TMEM220: variants seen among roughly 807,000 people sequenced by gnomAD.
TMEM220 encodes the protein transmembrane protein 220.
In TMEM220, 21 loss-of-function variants were observed where a neutral mutation model predicts 21.7. The observed-to-expected ratio is 0.97, with a 90% CI of 0.69 to 1.39. The LOEUF (loss-of-function observed/expected upper bound fraction) is 1.39. Among genes scored for constraint, TMEM220 ranks in the 40% most tolerant of loss-of-function variants. The probability of loss-of-function intolerance (pLI) is 0.00; values close to 1 mark genes in which losing one functional copy is unlikely to be tolerated. For synonymous variants in TMEM220, 80 were observed against 73.6 expected (o/e 1.09, Z -0.45); for missense variants, 191 against 201.9 (o/e 0.95, Z 0.33).
chr17:10,721,169 C>T (rs2074984083), intron 5 of TMEM220, among the ~76,000 whole-genome samples: 1 of 152,046 alleles, frequency 6.6e-6, no homozygotes, highest in African/African-American at 2.4e-5. Flanking sequence ...TCTTGTCATA[C>T]CAGAAAGCAA....
chr17:10,723,496 A>G (rs1567587000), intron 4 of TMEM220, among the ~76,000 whole-genome samples, 167 bp from the exon 5 acceptor site: 1 of 152,160 alleles, frequency 6.6e-6, no homozygotes, highest in African/African-American at 2.4e-5. Flanking sequence ...TGATTCATAA[A>G]TTACTTTTTT....
intron 2 of TMEM220, 41 bp from the exon 3 acceptor site, chr17:10,726,305 A>G (rs2075048429): frequency 6.9e-7 from 1 of 1,456,222 alleles, no homozygotes; most frequent in East Asian, 2.3e-5. Flanking sequence ...GTTAAGATGT[A>G]TGCCCAATAT....
intron 5 of TMEM220, among the ~76,000 whole-genome samples, chr17:10,718,778 G>A (rs2074953714): frequency 1.3e-5 from 2 of 152,120 alleles, no homozygotes; most frequent in Non-Finnish European, 2.9e-5. Flanking sequence ...TAGCTTAACT[G>A]CACCGTGGTC....
rs1454609489 is a variant in TMEM220, at chr17:10,713,828, T to C, written c.*1625A>G. 1 of 152,166 alleles carries C rather than the reference T, an allele frequency of 6.6e-6. No individual in the cohort carries two copies. Among genetic ancestry groups the C allele is most frequent in the African/African-American group, 2.4e-5 (1 of 41,426 alleles). The allele number at this position is 152,166 out of a possible 1,614,324, so 9.4% of individuals were successfully genotyped here. ...ACATACCTCCTTTAACAAATATTTA[T>C]AGAATATTTACTATAGTAATAAAGA... On this transcript the variant is annotated 3_prime_UTR_variant, in exon 6 of 6. Transcript: ENST00000341871.
At chr17:10,725,166 C>T (rs771490892) in intron 3 of TMEM220, 32 bp from the exon 4 acceptor site, 91 of 1,609,496 alleles carry the variant, frequency 5.7e-5, no homozygotes, top group Non-Finnish European at 7.2e-5. Context: ...TTGTTAACCA[C>T]GGAATCACAG....
At position 10,715,347 on chromosome 17, in the gene TMEM220, A is replaced by AG. The variant is rs2074899487; in HGVS notation, c.*105_*106insC. On this transcript the variant is annotated 3_prime_UTR_variant, in exon 6 of 6. Coordinates refer to ENST00000341871, the MANE Select transcript of TMEM220 (RefSeq NM_001004313.3). The stretch of plus-strand genomic sequence containing the variant: ...CTTAAAAAGTTATTTGGAGTTTTAA[A>AG]ACTATTAGCCCAAATTACCTGAAAT... 6.4e-6 allele frequency: 5 copies of AG among 777,110 alleles called. No homozygotes were observed. The highest frequency in any genetic ancestry group is 9.3e-6 in the Non-Finnish European group (5 of 538,776). 48.1% of individuals were successfully genotyped at this position (777,110 alleles called of 1,614,324 possible).
At chr17:10,716,539 A>G (rs2074923830) in intron 5 of TMEM220, 2 of 610,034 alleles carry the variant, frequency 3.3e-6, no homozygotes, top group Admixed American at 1.9e-5. Flanking sequence ...CTGAGACTGA[A>G]CTTCTAAAAG....
intron 3 of TMEM220, 121 bp from the exon 4 acceptor site, chr17:10,725,255 C>T (rs1363582668): frequency 7.4e-7 from 1 of 1,351,756 alleles, no homozygotes; most frequent in Non-Finnish European, 1.0e-6. Flanking sequence ...CTCCCTCAGC[C>T]CCATCGCCCC....
Position 10,723,300 on chromosome 17 carries a change from GC to G in TMEM220, c.316del (p.Ala106HisfsTer25). On this transcript the variant is annotated frameshift_variant, in exon 5 of 6. Coordinates refer to ENST00000341871, the MANE Select transcript of TMEM220 (RefSeq NM_001004313.3). LOFTEE classifies it high-confidence loss of function. ...GGAACTGTGGCACAGGATAATCCAT[GC>G]TGTAATAATCACCAGACCAGACAGC... is the stretch of plus-strand genomic sequence containing the variant. ...RELSGLVIIT[A>X]WIILCHSSSK... is the part of the protein sequence containing the mutation. The G allele has an allele frequency of 1.2e-6, 2 of 1,614,074 alleles. No homozygotes were observed. Among genetic ancestry groups the G allele is most frequent in the Non-Finnish European group, 1.7e-6 (2 of 1,179,986 alleles).
At chr17:10,716,028 T>C in intron 5 of TMEM220, 1 of 525,330 alleles carries the variant, frequency 1.9e-6, no homozygotes, top group Non-Finnish European at 3.4e-6. Flanking sequence ...ATAATGGTAA[T>C]TAAAAACTAC....
intron 2 of TMEM220, among the ~76,000 whole-genome samples, chr17:10,728,220 A>C (rs2075071599): frequency 6.6e-6 from 1 of 151,214 alleles, no homozygotes; most frequent in African/African-American, 2.4e-5. Flanking sequence ...CCCTCCTCCA[A>C]ATGGTTCAAA....
chr17:10,729,933 C>CT lies in TMEM220; in HGVS notation c.-83dup, dbSNP rs1463825543. On this transcript the variant is annotated 5_prime_UTR_variant, in exon 1 of 6. Transcript: ENST00000341871. ...CTGCCACGTACGGTCCGCCTTCCTC[C>CT]TTGCGCGGAGGGACCGAGACCCCCG... 3.2e-6 allele frequency: 4 copies of CT among 1,234,736 alleles called. No homozygotes were observed. The highest frequency in any genetic ancestry group is 2.2e-4 in the Middle Eastern group (1 of 4,450). 76.5% of individuals were successfully genotyped at this position (1,234,736 alleles called of 1,614,324 possible).
At chr17:10,722,534 A>G (rs983993349) in intron 5 of TMEM220, among the ~76,000 whole-genome samples, 1 of 152,192 alleles carries the variant, frequency 6.6e-6, no homozygotes, top group Non-Finnish European at 1.5e-5. Flanking sequence ...GACTTATCAA[A>G]GTTTAATATA....
chr17:10,717,058 T>C lies in TMEM220; in HGVS notation c.348-1470A>G, dbSNP rs542410890. On this transcript the variant is annotated intron_variant, in intron 5 of 5. Transcript: ENST00000341871. ...CCAGTGATCATACAAAATTCACTTA[T>C]TCTAGTAATTTTTTAGATTCTTTTT... Among the ~76,000 whole-genome samples the C allele has an allele frequency of 5.2e-5, 8 of 152,396 alleles. No individual in the cohort carries two copies. In the South Asian group the frequency reaches 1.7e-3, roughly 32 times the overall value.
At chr17:10,719,856 A>G (rs1347250341) in intron 5 of TMEM220, among the ~76,000 whole-genome samples, 1 of 152,242 alleles carries the variant, frequency 6.6e-6, no homozygotes, top group African/African-American at 2.4e-5. Flanking sequence ...TAGAGCTTCT[A>G]AAAATAGAGA....
chr17:10,728,808 C>A (rs2075083730), intron 2 of TMEM220, among the ~76,000 whole-genome samples: 1 of 152,150 alleles, frequency 6.6e-6, no homozygotes, highest in South Asian at 2.1e-4. Context: ...GGGAATACTG[C>A]AGAAAGACCT....
intron 2 of TMEM220, 123 bp downstream of exon 2, chr17:10,728,908 T>C: frequency 9.4e-7 from 1 of 1,058,858 alleles, no homozygotes; most frequent in Non-Finnish European, 1.4e-6. Context: ...TTCCCAAGGG[T>C]TTGATTTTTA....
rs1199585284 is a variant in TMEM220 at position 10,715,242 on chromosome 17, G to C, written c.*211C>G. On this transcript the variant is annotated 3_prime_UTR_variant, in exon 6 of 6. Transcript: ENST00000341871. ...CCTTTTCCACTACATTATGACACAA[G>C]ACCCTGCAGAAAGTCGTCTGGAAAA... is the stretch of plus-strand genomic sequence containing the variant. The C allele has an allele frequency of 2.3e-6, 1 of 431,956 alleles. No homozygotes were observed. The highest frequency in any genetic ancestry group is 4.1e-6 in the Non-Finnish European group (1 of 245,022). The allele number at this position is 431,956 out of a possible 1,614,324, so 26.8% of individuals were successfully genotyped here.
At chr17:10,718,515 C>T (rs565529726) in intron 5 of TMEM220, among the ~76,000 whole-genome samples, 1 of 151,426 alleles carries the variant, frequency 6.6e-6, no homozygotes, top group African/African-American at 2.4e-5. Context: ...CTTTTCCTAA[C>T]TTCTTGAAAT....
Sources: allele counts gnomAD v4.1 joint callset (sites outside exome capture counted in the v4.1 genomes callset), GRCh38; gene constraint gnomAD v4.1.1; transcripts MANE v1.5; gene names NCBI Gene and HGNC (gene_info 2026-07-23, HGNC 2026-07-21).